DSG1: variants seen among roughly 807,000 people sequenced by gnomAD.
DSG1 encodes the protein desmoglein-1.
A neutral mutation model predicts 97.5 loss-of-function variants in DSG1; 39 were observed. The ratio of observed to expected loss-of-function variants is 0.40; its 90% CI spans 0.31 to 0.52. The LOEUF (loss-of-function observed/expected upper bound fraction) is 0.52. Ranked by LOEUF, DSG1 falls within the 20% of genes least tolerant of loss-of-function variation. DSG1 has a pLI of 0.53. For missense variants in DSG1, 1,311 were observed against 1,295.4 expected (o/e 1.01, Z -0.18); for synonymous variants, 475 against 443.4 (o/e 1.07, Z -0.90).
intron 11 of DSG1, 53 bp from the exon 12 acceptor site, chr18:31,343,397 T>G (rs998354579): frequency 6.2e-7 from 1 of 1,612,354 alleles, no homozygotes. Flanking sequence ...GGTTGTTTTG[T>G]TTTTTATTTG....
intron 6 of DSG1, 108 bp downstream of exon 6, chr18:31,331,975 T>C (rs1434849340): frequency 1.0e-5 from 11 of 1,081,492 alleles, no homozygotes; most frequent in Non-Finnish European, 1.5e-5. Flanking sequence ...AAATTTTTAC[T>C]TGTATAACTT....
intron 1 of DSG1, among the ~76,000 whole-genome samples, chr18:31,320,406 G>A (rs763865931): frequency 5.3e-5 from 8 of 152,104 alleles, no homozygotes; most frequent in Non-Finnish European, 1.2e-4. Context: ...TATTTAAATT[G>A]GTAGTGTCTT....
rs558087331 is a variant in DSG1 at position 31,330,860 on chromosome 18, A to G, written c.517+824A>G. ...CATGGAATTTAATTATATAAATTAC[A>G]TAAGTGTATATAAATGTTAATTATC... is the stretch of plus-strand genomic sequence containing the variant. On this transcript the variant is annotated intron_variant, in intron 5 of 14. Transcript: ENST00000257192. Among the ~76,000 whole-genome samples the G allele has an allele frequency of 2.4e-4, 36 of 152,268 alleles. 1 individual carries two copies. Among genetic ancestry groups the G allele is most frequent in the Admixed American group, 2.4e-3 (36 of 15,274 alleles).
At chr18:31,329,317 C>G (rs1229627700) in intron 4 of DSG1, among the ~76,000 whole-genome samples, 1 of 152,052 alleles carries the variant, frequency 6.6e-6, no homozygotes, top group East Asian at 1.9e-4. Context: ...TCTATTAAAA[C>G]CCCACCAGTC....
intron 5 of DSG1, 132 bp from the exon 6 acceptor site, chr18:31,331,569 G>T: frequency 1.3e-6 from 1 of 766,340 alleles, no homozygotes; most frequent in Non-Finnish European, 2.2e-6. Context: ...TGTTGAAGGA[G>T]TAGAAAGGGA....
At position 31,338,296 on chromosome 18, in the gene DSG1, C is replaced by A; in HGVS notation, c.1266-19C>A. On this transcript the variant is annotated intron_variant, in intron 9 of 14. Transcript: ENST00000257192. ...TTAGATAGCTGACATTAATTTGTAT[C>A]ATTTTCTTTCAAATACAGGTATGTA... 1 of 1,611,836 alleles carries A rather than the reference C, an allele frequency of 6.2e-7. No individual in the cohort carries two copies. The highest frequency in any genetic ancestry group is 8.5e-7 in the Non-Finnish European group (1 of 1,178,596).
At chr18:31,329,827 T>G in intron 4 of DSG1, 65 bp from the exon 5 acceptor site, 4 of 1,571,934 alleles carry the variant, frequency 2.5e-6, no homozygotes, top group Non-Finnish European at 3.5e-6. Context: ...GCTAGCATAA[T>G]GCTCAAAGTA....
chr18:31,327,071 T>A (rs1326270821), intron 3 of DSG1, 66 bp downstream of exon 3: 12 of 1,586,850 alleles, frequency 7.6e-6, no homozygotes, highest in African/African-American at 5.4e-5. Flanking sequence ...AGAAACTGTC[T>A]GCTAAATATT....
At chr18:31,322,977 G>T (rs1340365450) in intron 1 of DSG1, among the ~76,000 whole-genome samples, 1 of 152,066 alleles carries the variant, frequency 6.6e-6, no homozygotes, top group African/African-American at 2.4e-5. Flanking sequence ...GTACATAAAT[G>T]GATTGGTTCC....
intron 11 of DSG1, among the ~76,000 whole-genome samples, chr18:31,342,673 G>A (rs1221895170): frequency 6.6e-6 from 1 of 152,076 alleles, no homozygotes; most frequent in Admixed American, 6.6e-5. Flanking sequence ...ACTTGCATAG[G>A]GGGAAATAGC....
rs1358186272 is a variant in DSG1, at chr18:31,354,835, T to C, written c.2639T>C (p.Met880Thr). 3.1e-6 allele frequency: 5 copies of C among 1,613,986 alleles called. No homozygotes were observed. The highest frequency in any genetic ancestry group is 4.2e-6 in the Non-Finnish European group (5 of 1,180,028). The change falls in exon 15 of 15, where the codon ATG (methionine) becomes ACG (threonine). Residue 880 changes from methionine to threonine, a missense_variant. Met to Thr is a moderately conservative substitution (Grantham distance 81, BLOSUM62 -1). Around this residue, in one of 3 missense-constraint regions of DSG1, gnomAD observed 1,038 missense variants for 964.6 expected, o/e 1.08. Coordinates refer to ENST00000257192, the MANE Select transcript of DSG1 (RefSeq NM_001942.4). Reference protein sequence around the residue: ...GPISGADLHGMLEMPDLRDGS... With the variant: ...GPISGADLHGTLEMPDLRDGS... ...ATCTCTGGCGCTGATTTGCATGGAA[T>C]GTTAGAGATGCCTGACTTGCGAGAT...
At chr18:31,335,853 A>G (rs2071748556) in intron 8 of DSG1, among the ~76,000 whole-genome samples, 1 of 150,474 alleles carries the variant, frequency 6.6e-6, no homozygotes, top group African/African-American at 2.4e-5. Context: ...TATTATATAT[A>G]TATTACATTA....
At chr18:31,332,002 C>A in intron 6 of DSG1, 135 bp downstream of exon 6, 2 of 786,074 alleles carry the variant, frequency 2.5e-6, no homozygotes, top group South Asian at 2.0e-5. Context: ...ATAATTCTTT[C>A]ATGTAAGAAA....
At chr18:31,345,930 G>T in intron 13 of DSG1, 60 bp from the exon 14 acceptor site, 1 of 1,378,412 alleles carries the variant, frequency 7.3e-7, no homozygotes, top group Non-Finnish European at 1.0e-6. Flanking sequence ...AAGGCAAGTT[G>T]TTACTTTTTA....
Position 31,354,665 on chromosome 18 carries a change from T to C in DSG1, c.2469T>C (p.Pro823=). The change falls in exon 15 of 15, where the codon CCT becomes CCC. Residue 823 remains proline, a synonymous_variant. Transcript: ENST00000257192. ...TYPSGPGVLH[P]KPILDPLGYG... ...CCTCGGGACCTGGTGTACTGCATCC[T>C]AAGCCTATTCTCGATCCTCTGGGCT... 2.5e-6 allele frequency: 4 copies of C among 1,614,192 alleles called. No homozygotes were observed. Among genetic ancestry groups the C allele is most frequent in the Non-Finnish European group, 3.4e-6 (4 of 1,180,028 alleles).
chr18:31,358,971 C>T lies in DSG1; in HGVS notation c.*3625C>T, dbSNP rs767834280. Among the ~76,000 whole-genome samples the T allele has an allele frequency of 6.6e-6, 1 of 152,142 alleles. No individual in the cohort carries two copies. Among genetic ancestry groups the T allele is most frequent in the Non-Finnish European group, 1.5e-5 (1 of 67,996 alleles). The stretch of plus-strand genomic sequence containing the variant: ...GTGTAATCTTGTTTGTCTACATTCT[C>T]TCCCCAGTTTAGCTGTATTTGAATT... On this transcript the variant is annotated 3_prime_UTR_variant, in exon 15 of 15. Coordinates refer to ENST00000257192, the MANE Select transcript of DSG1 (RefSeq NM_001942.4).
intron 14 of DSG1, among the ~76,000 whole-genome samples, chr18:31,351,204 T>C (rs2071893228): frequency 6.7e-6 from 1 of 148,974 alleles, no homozygotes; most frequent in Non-Finnish European, 1.5e-5. Context: ...ACATCTTTAT[T>C]TCTGCCTTCA....
chr18:31,343,489 C>T lies in DSG1; in HGVS notation c.1727C>T (p.Ala576Val), dbSNP rs2071804146. 1.9e-6 allele frequency: 3 copies of T among 1,614,158 alleles called. No homozygotes were observed. Among genetic ancestry groups the T allele is most frequent in the Non-Finnish European group, 2.5e-6 (3 of 1,180,030 alleles). ...ATGATCTGTTGTGATTGTGGAGGTG[C>T]TCCTCGTAGTGCAGCTGGCTTTGAG... ...FLMICCDCGG[A>V]PRSAAGFEPV... Residue 576 changes from alanine (A) to valine (V), a missense_variant, in exon 12 of 15, where the codon GCT (alanine) becomes GTT (valine). This residue lies in a region of DSG1 where 1,038 missense variants were observed against 964.6 expected (regional missense o/e 1.08). Coordinates refer to ENST00000257192, the MANE Select transcript of DSG1 (RefSeq NM_001942.4).
intron 1 of DSG1, among the ~76,000 whole-genome samples, chr18:31,323,533 T>A (rs375328035): frequency 1.3e-5 from 2 of 152,176 alleles, no homozygotes; most frequent in South Asian, 4.1e-4. Context: ...GCTCTCCCTA[T>A]CACAACACTT....
Sources: gnomAD v4.1 joint callset for allele counts (sites outside exome capture counted in the v4.1 genomes callset) on GRCh38, gnomAD v4.1.1 for gene constraint, gnomAD v4.1.1 regional missense constraint, MANE v1.5 for transcripts, NCBI Gene and HGNC (gene_info 2026-07-23, HGNC 2026-07-21) for gene names.